ZPBP: variants seen among roughly 807,000 people sequenced by gnomAD.
The protein encoded by ZPBP is zona pellucida binding protein, also known as zona pellucida-binding protein 1.
In ZPBP, 26 loss-of-function variants were observed where a neutral mutation model predicts 44.8. The ratio of observed to expected loss-of-function variants is 0.58; its 90% confidence interval spans 0.43 to 0.81. The LOEUF is 0.81. ZPBP is among the 30% of genes least tolerant of loss of function. The pLI, the probability that ZPBP is intolerant of heterozygous loss-of-function variation, is 0.00. For synonymous variants in ZPBP, 174 were observed against 153.2 expected (o/e 1.14, Z -1.00); for missense variants, 409 against 434.0 (o/e 0.94, Z 0.51).
chr7:49,931,164 A>G (rs550987883), intron 1 of ZPBP, among the ~76,000 whole-genome samples: 3 of 152,184 alleles, frequency 2.0e-5, no homozygotes, highest in Non-Finnish European at 2.9e-5. Context: ...TCCTTTATAA[A>G]TTACCCAGTC....
intron 7 of ZPBP, among the ~76,000 whole-genome samples, chr7:49,941,512 C>T (rs532756442): frequency 6.6e-6 from 1 of 151,996 alleles, no homozygotes; most frequent in Admixed American, 6.6e-5. Flanking sequence ...AATAAACAAT[C>T]CAAAAGGGAA....
intron 2 of ZPBP, among the ~76,000 whole-genome samples, chr7:49,871,778 C>G (rs1245578944): frequency 2.7e-5 from 4 of 150,916 alleles, no homozygotes; most frequent in Admixed American, 2.6e-4. Context: ...CCTTGGAAAA[C>G]AGCATGCATT....
intron 2 of ZPBP, among the ~76,000 whole-genome samples, chr7:49,874,414 C>T (rs1332434270): frequency 6.6e-6 from 1 of 152,216 alleles, no homozygotes; most frequent in Non-Finnish European, 1.5e-5. Context: ...CTATATCGTA[C>T]AGCCTAGGTG....
At chr7:49,915,044 T>G (rs189147711) in intron 1 of ZPBP, 1 of 152,220 alleles carries the variant, frequency 6.6e-6, no homozygotes, top group Admixed American at 6.5e-5. Flanking sequence ...AAGCTACTTA[T>G]GTAAGCAATA....
chr7:50,087,421 G>A (rs1042925121), intron 2 of ZPBP, among the ~76,000 whole-genome samples: 8 of 151,802 alleles, frequency 5.3e-5, no homozygotes, highest in South Asian at 2.1e-4. Context: ...ACACATTATC[G>A]TCGCCATACA....
chr7:50,093,032 T>TC, intron 1 of ZPBP, 36 bp downstream of exon 1: 3 of 1,583,626 alleles, frequency 1.9e-6, no homozygotes, highest in Non-Finnish European at 2.6e-6. Flanking sequence ...GCTGCGGTTG[T>TC]CCCTGCGGAG....
rs145150525 is a variant in ZPBP, at chr7:50,005,972, T to C, written c.783+12268A>G. On this transcript the variant is annotated intron_variant, in intron 6 of 7. Coordinates refer to ENST00000046087, the MANE Select transcript of ZPBP (RefSeq NM_007009.3). ...TGAAGTGAGAGGATGGAAAAAGATA[T>C]TCCTTGGAAAATAGTATTCAAAAAA... Among the ~76,000 whole-genome samples the C allele has an allele frequency of 3.2e-3, 486 of 151,662 alleles. 9 individuals carry two copies. Among genetic ancestry groups the C allele is most frequent in the Middle Eastern group, 6.8e-3 (2 of 294 alleles).
intron 2 of ZPBP, among the ~76,000 whole-genome samples, chr7:49,882,600 T>G (rs538481012): frequency 2.0e-5 from 3 of 150,818 alleles, no homozygotes; most frequent in Admixed American, 6.6e-5. Context: ...GAGACAGAGA[T>G]AGTGAGTACA....
chr7:49,908,387 G>T (rs1467896277), intron 1 of ZPBP, among the ~76,000 whole-genome samples: 1 of 152,096 alleles, frequency 6.6e-6, no homozygotes, highest in Non-Finnish European at 1.5e-5. Context: ...TTGGTTTACA[G>T]GTCTTAGTGT....
chr7:49,876,864 C>T (rs79577522), intron 2 of ZPBP, among the ~76,000 whole-genome samples: 4,077 of 151,968 alleles, frequency 0.027, 172 homozygotes, highest in African/African-American at 0.093. Context: ...TATGACACAA[C>T]GCACCGAGAT....
At chr7:49,888,449 A>AT (rs1791990354) in intron 2 of ZPBP, among the ~76,000 whole-genome samples, 2 of 152,092 alleles carry the variant, frequency 1.3e-5, no homozygotes, top group South Asian at 2.1e-4. Flanking sequence ...AGTAATATTG[A>AT]TTTTTTTCTA....
chr7:49,990,255 C>A (rs1383027514), intron 6 of ZPBP, among the ~76,000 whole-genome samples: 1 of 152,178 alleles, frequency 6.6e-6, no homozygotes, highest in Admixed American at 6.5e-5. Flanking sequence ...AACTCAAAGG[C>A]TACTGACAGC....
intron 1 of ZPBP, chr7:49,917,571 C>T (rs374362608): frequency 6.6e-6 from 1 of 152,074 alleles, no homozygotes; most frequent in South Asian, 2.1e-4. Flanking sequence ...AAGTATGTAC[C>T]TAAAGTCAAT....
chr7:49,917,520 G>A (rs1437437215), intron 1 of ZPBP: 1 of 152,104 alleles, frequency 6.6e-6, no homozygotes, highest in Non-Finnish European at 1.5e-5. Context: ...AAAACCTCTG[G>A]CTGACCTATT....
At chr7:49,848,894 C>T (rs750720949), downstream of ZPBP, among the ~76,000 whole-genome samples, 2 of 152,194 alleles carry the variant, frequency 1.3e-5, no homozygotes, top group Non-Finnish European at 2.9e-5. Context: ...AGACAGAACA[C>T]ACCTCTAATA....
intron 6 of ZPBP, among the ~76,000 whole-genome samples, chr7:49,994,558 G>C (rs1486797114): frequency 3.3e-5 from 5 of 152,292 alleles, no homozygotes; most frequent in Non-Finnish European, 7.4e-5. Context: ...GGGTAGCTCA[G>C]GTCACATGGT....
At chr7:49,863,747 A>G (rs1790764356) in intron 2 of ZPBP, among the ~76,000 whole-genome samples, 1 of 151,950 alleles carries the variant, frequency 6.6e-6, no homozygotes, top group Non-Finnish European at 1.5e-5. Context: ...TCTATTCTCT[A>G]TTTTGTTTAT....
intron 6 of ZPBP, among the ~76,000 whole-genome samples, chr7:50,012,732 A>G (rs1344058012): frequency 6.7e-6 from 1 of 149,808 alleles, no homozygotes; most frequent in East Asian, 1.9e-4. Flanking sequence ...ATCAGGAGAA[A>G]GAAAAGGACA....
intron 3 of ZPBP, among the ~76,000 whole-genome samples, chr7:50,059,436 G>A (rs1044889542): frequency 1.3e-5 from 2 of 152,144 alleles, no homozygotes; most frequent in African/African-American, 4.8e-5. Context: ...GGATGAAGCT[G>A]AAAAATGTGA....
Sources: allele counts gnomAD v4.1 joint callset (sites outside exome capture counted in the v4.1 genomes callset), GRCh38; gene constraint gnomAD v4.1.1; transcripts MANE v1.5; gene names NCBI Gene and HGNC (gene_info 2026-07-23, HGNC 2026-07-21).